The following GALNT8 variants were observed in gnomAD, a reference collection of about 807,000 sequenced individuals.
The protein encoded by GALNT8 is probable polypeptide N-acetylgalactosaminyltransferase 8.
In GALNT8, 66 loss-of-function variants were observed where a neutral mutation model predicts 62.7. The observed-to-expected ratio is 1.05, with a 90% confidence interval of 0.86 to 1.29. The LOEUF (loss-of-function observed/expected upper bound fraction) is 1.29, where lower values mean the gene tolerates loss of function less well. GALNT8 is among the 50% of genes most tolerant of loss of function. GALNT8 has a pLI of 0.00. For missense variants in GALNT8, 771 were observed against 791.8 expected, an observed-to-expected ratio of 0.97 and a Z score of 0.32; for synonymous variants, 288 against 294.3, an observed-to-expected ratio of 0.98 and a Z score of 0.22.
At chr12:4,737,447 A>G (rs1458952370) in intron 2 of GALNT8, among the ~76,000 whole-genome samples, 1 of 152,236 alleles carries the variant, frequency 6.6e-6, no homozygotes, top group Non-Finnish European at 1.5e-5. Flanking sequence ...CACAGTAAAT[A>G]TCAGAGAAAA....
intron 6 of GALNT8, among the ~76,000 whole-genome samples, chr12:4,748,021 T>C (rs1414701100): frequency 6.6e-6 from 1 of 152,254 alleles, no homozygotes; most frequent in Non-Finnish European, 1.5e-5. Flanking sequence ...ATGTCTTCTT[T>C]TGGGAAATGT....
Position 4,756,964 on chromosome 12 carries a change from A to T in GALNT8, c.1174-3994A>T, listed in dbSNP as rs1254639244. On this transcript the variant is annotated intron_variant, in intron 6 of 10. Transcript: ENST00000252318. ...GAGACCAGGTGGAGGTCATTGGATC[A>T]TGTCGGGGGGGTTTTCCCCAGGTGG... Among the ~76,000 whole-genome samples, 3 of 152,290 alleles carry T rather than the reference A, an allele frequency of 2.0e-5. No homozygotes were observed. The East Asian group carries it at 5.8e-4, about 29-fold the overall frequency.
chr12:4,761,132 A>T lies in GALNT8; in HGVS notation c.1348A>T (p.Ile450Leu), dbSNP rs140915911. The change falls in exon 7 of 11, where the codon ATA (isoleucine) becomes TTA (leucine). Residue 450 changes from isoleucine (I) to leucine (L), a missense_variant. By Grantham distance (5) the Ile-to-Leu change is conservative. Transcript: ENST00000252318. The stretch of plus-strand genomic sequence containing the variant: ...ACACATGGTCTACTTGGCCTGGAAC[A>T]TACCTCTCCAGGTGAGTCATGGAAT... ...HKHMVYLAWN[I>L]PLQNSGIDFG... 8.7e-6 allele frequency: 14 copies of T among 1,613,468 alleles called. No individual in the cohort carries two copies. The African/African-American group carries it at 1.5e-4, about 17-fold the overall frequency.
At chr12:4,755,770 T>C (rs1946341754) in intron 6 of GALNT8, among the ~76,000 whole-genome samples, 1 of 152,196 alleles carries the variant, frequency 6.6e-6, no homozygotes, top group Admixed American at 6.5e-5. Context: ...ATTCAAGATA[T>C]GTCAGTGTAT....
chr12:4,754,191 G>A (rs10849139), intron 6 of GALNT8, among the ~76,000 whole-genome samples: 78,956 of 151,738 alleles, frequency 0.52, 21,079 homozygotes, highest in Non-Finnish European at 0.59. Context: ...CACTCACTGT[G>A]TACTTCCTAT....
intron 6 of GALNT8, among the ~76,000 whole-genome samples, chr12:4,747,353 A>C (rs1946304560): frequency 6.6e-6 from 1 of 152,116 alleles, no homozygotes; most frequent in Non-Finnish European, 1.5e-5. Context: ...TGTACCCATT[A>C]ACCATCCCCT....
intron 10 of GALNT8, among the ~76,000 whole-genome samples, chr12:4,771,313 G>A (rs1946423286): frequency 6.6e-6 from 1 of 152,074 alleles, no homozygotes; most frequent in Non-Finnish European, 1.5e-5. Context: ...GGCAGTGGTG[G>A]AGGAGAAGTT....
At chr12:4,765,606 GAGTC>G in intron 10 of GALNT8, 60 bp downstream of exon 10, 1 of 1,357,924 alleles carries the variant, frequency 7.4e-7, no homozygotes, top group South Asian at 1.3e-5. Context: ...TTTTGAGACT[GAGTC>G]TTGCTCTGCA....
rs765535951 is a variant in GALNT8 at position 4,761,064 on chromosome 12, G to A, written c.1280G>A (p.Arg427His). The A allele has an allele frequency of 9.9e-6, 16 of 1,613,884 alleles. No homozygotes were observed. Among genetic ancestry groups the A allele is most frequent in the Admixed American group, 3.3e-5 (2 of 59,988 alleles). Residue 427 changes from arginine (R) to histidine (H), a missense_variant, in exon 7 of 11, where the codon CGC becomes CAC. Arg to His is a conservative substitution (Grantham distance 29). Transcript: ENST00000252318. ...TTGGATCTCACCGCTGCCTTGAAGC[G>A]CAATGCTCTGCGAGTGGCCGAAATC... ...YALDLTAALK[R>H]NALRVAEIWM...
Position 4,726,452 on chromosome 12 carries a change from T to A in GALNT8, c.212-80T>A, listed in dbSNP as rs1946195804. The A allele has an allele frequency of 1.0e-5, 10 of 952,642 alleles. 1 individual carries two copies. The South Asian group carries it at 1.6e-4, about 15-fold the overall frequency. The allele number at this position is 952,642 out of a possible 1,614,324, so 59.0% of individuals were successfully genotyped here. A position where few individuals can be genotyped will look rare whatever the true frequency, so the allele number is the denominator to read the frequency against. The stretch of plus-strand genomic sequence containing the variant: ...GTAGTGGGTAAACCGTTAGAGGAAA[T>A]TAGGATGGAAAGGAATACCCAGGTA... On this transcript the variant is annotated intron_variant, in intron 1 of 10. Coordinates refer to ENST00000252318, the MANE Select transcript of GALNT8 (RefSeq NM_017417.2). The surrounding 1 kb of genome is among the most constrained non-coding windows in gnomAD (Gnocchi z 4.1).
At chr12:4,744,374 T>C in intron 3 of GALNT8, 143 bp from the exon 4 acceptor site, 2 of 597,266 alleles carry the variant, frequency 3.3e-6, no homozygotes, top group Non-Finnish European at 5.9e-6. Flanking sequence ...GCAGGGGAAA[T>C]ACTACTTATT....
At chr12:4,720,976 G>A (rs1488272644) in intron 1 of GALNT8, 88 bp downstream of exon 1, 13 of 784,970 alleles carry the variant, frequency 1.7e-5, no homozygotes, top group Non-Finnish European at 2.7e-5. Flanking sequence ...AGGAAAAATG[G>A]GTGAGAGGTC....
intron 10 of GALNT8, among the ~76,000 whole-genome samples, chr12:4,767,932 A>G (rs114015006): frequency 1.5e-3 from 223 of 152,310 alleles, no homozygotes; most frequent in African/African-American, 4.9e-3. Context: ...TCAGCTTACA[A>G]ATTTTACTAT....
At chr12:4,721,603 C>T (rs1043464172) in intron 1 of GALNT8, among the ~76,000 whole-genome samples, 1 of 152,208 alleles carries the variant, frequency 6.6e-6, no homozygotes, top group Admixed American at 6.5e-5. Flanking sequence ...GCCCGCATGT[C>T]CCACCTCCAG....
chr12:4,759,165 A>G (rs182301729), intron 6 of GALNT8, among the ~76,000 whole-genome samples: 2 of 152,296 alleles, frequency 1.3e-5, no homozygotes, highest in Non-Finnish European at 2.9e-5. Context: ...GAAAACCTCC[A>G]TCAGCTAGGA....
intron 3 of GALNT8, 42 bp downstream of exon 3, chr12:4,739,371 TATC>T (rs764111569): frequency 1.3e-6 from 2 of 1,533,514 alleles, no homozygotes; most frequent in African/African-American, 2.7e-5. Context: ...AATGACCACT[TATC>T]ATCTGTGCTT....
intron 1 of GALNT8, among the ~76,000 whole-genome samples, chr12:4,724,729 CGA>C (rs1946186804): frequency 1.3e-5 from 2 of 152,174 alleles, no homozygotes. Context: ...CAAGTTTTTT[CGA>C]CTATCCTCTT....
intron 4 of GALNT8, among the ~76,000 whole-genome samples, chr12:4,745,176 C>A (rs191562234): frequency 6.6e-6 from 1 of 152,176 alleles, no homozygotes; most frequent in Non-Finnish European, 1.5e-5. Context: ...TGCTGCTTCA[C>A]AACGGCCTGG....
At chr12:4,734,656 G>A (rs1946236479) in intron 2 of GALNT8, among the ~76,000 whole-genome samples, 2 of 122,312 alleles carry the variant, frequency 1.6e-5, no homozygotes, top group South Asian at 4.6e-4. Flanking sequence ...CCTCATGGCA[G>A]CCTGAATGGT....
Sources: gnomAD v4.1 joint callset for allele counts (sites outside exome capture counted in the v4.1 genomes callset) on GRCh38, gnomAD v4.1.1 for gene constraint, Gnocchi (gnomAD v3.1) non-coding constraint, MANE v1.5 for transcripts, NCBI Gene and HGNC (gene_info 2026-07-23, HGNC 2026-07-21) for gene names.